The following RASAL1 variants were observed in gnomAD, a reference collection of about 807,000 sequenced individuals.
RASAL1 encodes the protein RAS protein activator like 1, also known as rasGAP-activating-like protein 1.
Under a neutral mutation model 96.6 loss-of-function variants are expected in RASAL1, and 72 were observed. The observed-to-expected ratio is 0.75, with a 90% CI of 0.62 to 0.91. RASAL1 has a LOEUF of 0.91. RASAL1 is among the 40% of genes least tolerant of loss of function. The pLI, the probability that RASAL1 is intolerant of heterozygous loss-of-function variation, is 0.00. For missense variants in RASAL1, 1,016 were observed against 1,072.5 expected (o/e 0.95, Z 0.74); for synonymous variants, 405 against 430.4 (o/e 0.94, Z 0.73).
intron 13 of RASAL1, among the ~76,000 whole-genome samples, chr12:113,109,468 G>A (rs1052047497): frequency 2.0e-5 from 3 of 151,944 alleles, no homozygotes; most frequent in African/African-American, 7.3e-5. Context: ...ATGTGAATCC[G>A]GGGCCTGGCC....
Position 113,121,551 on chromosome 12 carries a change from T to C in RASAL1, c.386A>G (p.Asp129Gly). Residue 129 changes from aspartate (D) to glycine (G), a missense_variant, in exon 5 of 21, where the codon GAT becomes GGT. Transcript: ENST00000548055. ...EICLSVQMLE[D>G]GQGRCLRCHV... ...GCAGCGAAGGCAGCGGCCCTGCCCA[T>C]CCTCCAGCATCTGCACTGACAGGCA... 6.2e-7 allele frequency: 1 copy of C among 1,614,140 alleles called. No individual in the cohort carries two copies. Among genetic ancestry groups the C allele is most frequent in the South Asian group, 1.1e-5 (1 of 91,080 alleles).
intron 18 of RASAL1, among the ~76,000 whole-genome samples, chr12:113,102,426 C>T (rs1950482454): frequency 1.3e-5 from 2 of 152,310 alleles, no homozygotes; most frequent in East Asian, 1.9e-4. Context: ...GGCGTGGTGG[C>T]TCATGCCTGT....
In RASAL1 at chr12:113,135,732, C is replaced by T; in HGVS notation, c.-270G>A. 4.9e-6 allele frequency: 1 copy of T among 203,564 alleles called. No individual in the cohort carries two copies. Among genetic ancestry groups the T allele is most frequent in the Non-Finnish European group, 1.0e-5 (1 of 100,482 alleles). The allele number at this position is 203,564 out of a possible 1,614,324, so 12.6% of individuals were successfully genotyped here. ...GGGGCGCAGCGGGCTCTTGCCGAGG[C>T]GTCTGGAGCTCCAGACAAGCAGGCT... On this transcript the variant is annotated 5_prime_UTR_variant, in exon 1 of 21. Transcript: ENST00000548055. This position sits in a 1 kb window ranked among gnomAD's most constrained non-coding sequence, Gnocchi z 5.7.
At chr12:113,109,481 T>C (rs886346257) in intron 13 of RASAL1, among the ~76,000 whole-genome samples, 1 of 152,078 alleles carries the variant, frequency 6.6e-6, no homozygotes, top group Non-Finnish European at 1.5e-5. Context: ...GCCTGGCCCA[T>C]CTAAAGGTAA....
At chr12:113,122,042 T>A (rs1284582727) in intron 4 of RASAL1, among the ~76,000 whole-genome samples, 1 of 152,108 alleles carries the variant, frequency 6.6e-6, no homozygotes, top group African/African-American at 2.4e-5. Flanking sequence ...ATTAAAAATG[T>A]GTCAAGACCC....
intron 4 of RASAL1, among the ~76,000 whole-genome samples, chr12:113,122,326 T>C (rs183360433): frequency 3.9e-5 from 6 of 152,280 alleles, no homozygotes; most frequent in Admixed American, 3.9e-4. Flanking sequence ...CTCTCAACAC[T>C]TTGAAGATAT....
chr12:113,108,622 T>C (rs997482949), intron 13 of RASAL1, among the ~76,000 whole-genome samples: 9 of 152,178 alleles, frequency 5.9e-5, no homozygotes, highest in Non-Finnish European at 7.3e-5. Context: ...AACCCAGACC[T>C]GTGATTTATG....
chr12:113,106,556 G>A (rs1950653377), intron 15 of RASAL1, among the ~76,000 whole-genome samples: 1 of 151,852 alleles, frequency 6.6e-6, no homozygotes, highest in Non-Finnish European at 1.5e-5. Flanking sequence ...CCTACCTCAG[G>A]GCCCTTGCAC....
At chr12:113,126,486 G>A (rs1951484912) in intron 4 of RASAL1, among the ~76,000 whole-genome samples, 1 of 151,948 alleles carries the variant, frequency 6.6e-6, no homozygotes, top group Non-Finnish European at 1.5e-5. Context: ...TTCAAGACCA[G>A]CGTGATTTCA....
chr12:113,101,964 C>T lies in RASAL1; in HGVS notation c.2150G>A (p.Trp717Ter), dbSNP rs776973911. The change falls in exon 19 of 21, where the codon TGG (tryptophan) becomes TAG (stop). Residue 717 changes from tryptophan (W) to a stop codon, truncating the protein, a stop_gained. Coordinates refer to ENST00000548055, the MANE Select transcript of RASAL1 (RefSeq NM_001301202.2). LOFTEE classifies it high-confidence loss of function. The part of the protein sequence containing the change: ...RTHSAVTLGD[W>*]SDPLDPDAEA... ...AGCATCAGGATCCAGTGGGTCACTC[C>T]AGTCCCCCAGGGTGACAGCTGAGTG... 2.5e-6 allele frequency: 4 copies of T among 1,614,044 alleles called. No homozygotes were observed. The highest frequency in any genetic ancestry group is 3.4e-6 in the Non-Finnish European group (4 of 1,180,026).
chr12:113,128,116 G>A lies in RASAL1; in HGVS notation c.185C>T (p.Pro62Leu), dbSNP rs1367261548. ...FWGEEYTVHL[P>L]LDFHQLAFYV... The stretch of plus-strand genomic sequence containing the variant: ...GAAGGCCAGCTGGTGGAAATCCAGA[G>A]GCAGGTGCACCGTGTACTCCTCCCC... Residue 62 changes from proline (P) to leucine (L), a missense_variant, in exon 3 of 21, where the codon CCT (proline) becomes CTT (leucine). Pro to Leu is a moderately conservative substitution (Grantham distance 98, BLOSUM62 -3). Coordinates refer to ENST00000548055, the MANE Select transcript of RASAL1 (RefSeq NM_001301202.2). 1.2e-6 allele frequency: 2 copies of A among 1,613,980 alleles called. No homozygotes were observed. The highest frequency in any genetic ancestry group is 1.6e-4 in the Middle Eastern group (1 of 6,062).
chr12:113,099,990 G>A lies in RASAL1; in HGVS notation c.2357C>T (p.Ala786Val), dbSNP rs898147571. 2.5e-6 allele frequency: 4 copies of A among 1,613,816 alleles called. No individual in the cohort carries two copies. In the African/African-American group the frequency reaches 4.0e-5, roughly 16 times the overall value. Residue 786 changes from alanine (A) to valine (V), a missense_variant, in exon 21 of 21, where the codon GCC becomes GTC. Physicochemically the swap from Ala to Val is moderately conservative, Grantham distance 64. Coordinates refer to ENST00000548055, the MANE Select transcript of RASAL1 (RefSeq NM_001301202.2). The part of the protein sequence containing the change: ...LLEVLADLDR[A>V]HEEFQQQERG... ...CTCCTGCTGCTGGAACTCCTCGTGG[G>A]CACGATCCAGGTCTGCGAGCACCTC...
At chr12:113,102,770 T>C (rs1239107946) in intron 18 of RASAL1, among the ~76,000 whole-genome samples, 1 of 152,084 alleles carries the variant, frequency 6.6e-6, no homozygotes, top group Non-Finnish European at 1.5e-5. Flanking sequence ...CATCCTCCAC[T>C]CTCATCCAGC....
chr12:113,121,679 T>C (rs557760009), intron 4 of RASAL1, 41 bp from the exon 5 acceptor site: 20 of 1,601,444 alleles, frequency 1.2e-5, no homozygotes, highest in Non-Finnish European at 1.6e-5. Flanking sequence ...GCGCCTACCA[T>C]GTACTGGGCA....
chr12:113,104,227 G>C lies in RASAL1; in HGVS notation c.1902C>G (p.Pro634=). ...CCTGCGTCACCACCTGCATCACGTGGGGCAGTTGGAAGGCGCCCTCGTCTA... is the reference window on the plus strand; with the variant it reads ...CCTGCGTCACCACCTGCATCACGTGCGGCAGTTGGAAGGCGCCCTCGTCTA... ...ERVDEGAFQL[P]HVMQVVTQDG... is the part of the protein sequence containing the mutation. Residue 634 remains proline, a synonymous_variant, in exon 17 of 21, where the codon CCC becomes CCG. Transcript: ENST00000548055. 2.5e-6 allele frequency: 4 copies of C among 1,608,452 alleles called. No homozygotes were observed. The highest frequency in any genetic ancestry group is 3.4e-6 in the Non-Finnish European group (4 of 1,177,874).
chr12:113,112,316 A>G, intron 12 of RASAL1, 38 bp from the exon 13 acceptor site: 4 of 1,245,924 alleles, frequency 3.2e-6, no homozygotes, highest in Non-Finnish European at 4.1e-6. Context: ...CTCGGGGCAC[A>G]ACATCTGCCT....
intron 13 of RASAL1, among the ~76,000 whole-genome samples, chr12:113,108,445 C>T (rs2136132480): frequency 6.6e-6 from 1 of 152,318 alleles, no homozygotes; most frequent in East Asian, 1.9e-4. Flanking sequence ...CAGATTTGGC[C>T]AAATGTCCTC....
intron 8 of RASAL1, among the ~76,000 whole-genome samples, 189 bp downstream of exon 8, chr12:113,116,884 G>A (rs17700336): frequency 0.11 from 17,368 of 152,286 alleles, 1,220 homozygotes; most frequent in Non-Finnish European, 0.16. Flanking sequence ...ACAGGTGAAC[G>A]GGTGTAAAGT....
Position 113,127,485 on chromosome 12 carries a change from G to A in RASAL1, c.298+327C>T, listed in dbSNP as rs1244804113. Among the ~76,000 whole-genome samples, 2 of 151,964 alleles carry A rather than the reference G, an allele frequency of 1.3e-5. 1 individual carries two copies. The highest frequency in any genetic ancestry group is 4.2e-4 in the South Asian group (2 of 4,818). ...ACATAGCAAGACTCCGTATCTATAA[G>A]ATATTTCTGAAAAAATTAGCTGGGT... is the stretch of plus-strand genomic sequence containing the variant. On this transcript the variant is annotated intron_variant, in intron 4 of 20. Coordinates refer to ENST00000548055, the MANE Select transcript of RASAL1 (RefSeq NM_001301202.2).
Sources: allele counts gnomAD v4.1 joint callset (sites outside exome capture counted in the v4.1 genomes callset), GRCh38; gene constraint gnomAD v4.1.1; non-coding constraint Gnocchi (gnomAD v3.1); transcripts MANE v1.5; gene names NCBI Gene and HGNC (gene_info 2026-07-23, HGNC 2026-07-21).